FOXO3: variants seen among roughly 807,000 people sequenced by gnomAD.
FOXO3 encodes the protein forkhead box O3.
A neutral mutation model predicts 41.9 loss-of-function variants in FOXO3; 4 were observed. The observed-to-expected ratio is 0.10, with a 90% CI of 0.05 to 0.22. The LOEUF (loss-of-function observed/expected upper bound fraction) is 0.22. FOXO3 is among the 10% of genes least tolerant of loss of function. FOXO3 has a pLI of 1.00. For synonymous variants in FOXO3, 318 were observed against 389.3 expected (o/e 0.82, Z 2.16); for missense variants, 534 against 906.8 (o/e 0.59, Z 5.28).
intron 1 of FOXO3, among the ~76,000 whole-genome samples, chr6:108,604,324 G>A (rs751735889): frequency 2.6e-5 from 4 of 152,164 alleles, no homozygotes; most frequent in Admixed American, 6.5e-5. Flanking sequence ...ACTAAATGAG[G>A]TGAAAGTCAT....
chr6:108,605,118 C>CT (rs1777158943), intron 1 of FOXO3, among the ~76,000 whole-genome samples: 1 of 150,246 alleles, frequency 6.7e-6, no homozygotes, highest in Non-Finnish European at 1.5e-5. Context: ...CTAATACTAA[C>CT]TTTTCTTTTT....
chr6:108,673,489 C>T (rs1582839818), intron 2 of FOXO3, among the ~76,000 whole-genome samples: 2 of 152,342 alleles, frequency 1.3e-5, no homozygotes. Context: ...ACCTGTGTGT[C>T]CTGGTCATAC....
upstream of FOXO3, chr6:108,559,898 G>A (rs962195726): frequency 6.6e-6 from 1 of 152,272 alleles, no homozygotes; most frequent in African/African-American, 2.4e-5. Context: ...CGGGCGGGCT[G>A]CGGCGACGGC....
chr6:108,663,332 G>A (rs1291606492), intron 1 of FOXO3, 123 bp from the exon 2 acceptor site: 32 of 1,402,964 alleles, frequency 2.3e-5, no homozygotes, highest in Non-Finnish European at 2.8e-5. Flanking sequence ...GGGCAGCAGA[G>A]TGAGACCTTG....
intron 1 of FOXO3, among the ~76,000 whole-genome samples, chr6:108,596,563 A>C (rs1402225083): frequency 6.6e-5 from 10 of 152,176 alleles, no homozygotes; most frequent in Admixed American, 6.5e-4. Flanking sequence ...AGAAAGTTTA[A>C]GCAGGAAATG....
At chr6:108,623,852 G>A (rs921155893) in intron 1 of FOXO3, among the ~76,000 whole-genome samples, 11 of 152,152 alleles carry the variant, frequency 7.2e-5, no homozygotes, top group Admixed American at 5.9e-4. Flanking sequence ...TGATATAAGA[G>A]TTTTCTCCTT....
intron 1 of FOXO3, among the ~76,000 whole-genome samples, chr6:108,649,320 C>G (rs1312621583): frequency 6.6e-6 from 1 of 152,052 alleles, no homozygotes; most frequent in Non-Finnish European, 1.5e-5. Flanking sequence ...CTATGACTAC[C>G]TTTCAAGGCT....
intron 1 of FOXO3, among the ~76,000 whole-genome samples, chr6:108,622,400 G>A (rs1180036624): frequency 6.6e-6 from 1 of 152,076 alleles, no homozygotes; most frequent in Non-Finnish European, 1.5e-5. Context: ...GAGAGAGAAG[G>A]GATCTGTTCA....
chr6:108,583,642 A>G (rs1364262854), intron 1 of FOXO3, among the ~76,000 whole-genome samples: 6 of 152,228 alleles, frequency 3.9e-5, no homozygotes, highest in Non-Finnish European at 8.8e-5. Context: ...TTCTGTAACT[A>G]TTAAAGTCTG....
At chr6:108,608,010 C>G (rs1429047255) in intron 1 of FOXO3, among the ~76,000 whole-genome samples, 1 of 152,166 alleles carries the variant, frequency 6.6e-6, no homozygotes, top group Non-Finnish European at 1.5e-5. Context: ...GGTGGCAGGT[C>G]TAACCTTCAG....
intron 2 of FOXO3, among the ~76,000 whole-genome samples, chr6:108,676,408 G>A (rs9400240): frequency 0.54 from 82,696 of 151,964 alleles, 26,489 homozygotes; most frequent in East Asian, 0.71. Flanking sequence ...TATGAGACTA[G>A]TTTTTGTATT....
At chr6:108,643,656 G>A (rs1778320991) in intron 1 of FOXO3, among the ~76,000 whole-genome samples, 1 of 152,196 alleles carries the variant, frequency 6.6e-6, no homozygotes, top group South Asian at 2.1e-4. Flanking sequence ...TGACCAGAAT[G>A]TAAGAGGAGA....
chr6:108,573,599 G>A (rs549054509), intron 1 of FOXO3, among the ~76,000 whole-genome samples: 2 of 152,036 alleles, frequency 1.3e-5, no homozygotes, highest in East Asian at 1.9e-4. Context: ...AGGCTGAGGC[G>A]GGAGCATCAC....
intron 1 of FOXO3, among the ~76,000 whole-genome samples, chr6:108,600,321 G>A (rs534133963): frequency 1.8e-3 from 270 of 152,046 alleles, no homozygotes; most frequent in African/African-American, 5.1e-3. Context: ...GAGGCAAGGC[G>A]GATCACCCGA....
At chr6:108,638,117 C>A (rs956371016) in intron 1 of FOXO3, among the ~76,000 whole-genome samples, 4 of 152,160 alleles carry the variant, frequency 2.6e-5, no homozygotes, top group Non-Finnish European at 5.9e-5. Context: ...TGCATGCTTG[C>A]GTGTTTCCCC....
At chr6:108,640,852 A>G (rs994386844) in intron 1 of FOXO3, among the ~76,000 whole-genome samples, 1 of 152,168 alleles carries the variant, frequency 6.6e-6, no homozygotes, top group African/African-American at 2.4e-5. Flanking sequence ...TTGCCCTACT[A>G]TGTGCTGGGC....
chr6:108,583,414 T>G (rs561581065), intron 1 of FOXO3, among the ~76,000 whole-genome samples: 1 of 152,322 alleles, frequency 6.6e-6, no homozygotes, highest in South Asian at 2.1e-4. Context: ...TGGTTGTGAC[T>G]TTGGGAAAGA....
Position 108,645,977 on chromosome 6 carries a change from A to G in FOXO3, c.622-17478A>G, listed in dbSNP as rs1179271521. 2.6e-5 allele frequency among the ~76,000 whole-genome samples: 4 copies of G among 152,326 alleles called. No homozygotes were observed. The South Asian group carries it at 8.3e-4, about 32-fold the overall frequency. ...AGGTAGGATTAGGTTTGGCTAATGG[A>G]AAACAAATTTAATAGTGAATTATTC... On this transcript the variant is annotated intron_variant, in intron 1 of 2. Transcript: ENST00000406360.
Position 108,683,610 on chromosome 6 carries a change from C to T in FOXO3, c.*3818C>T, listed in dbSNP as rs1250803303. The T allele has an allele frequency of 1.3e-5, 2 of 151,192 alleles. No individual in the cohort carries two copies. The highest frequency in any genetic ancestry group is 4.9e-5 in the African/African-American group (2 of 41,230). The allele number at this position is 151,192 out of a possible 1,614,324, so 9.4% of individuals were successfully genotyped here. A position where few individuals can be genotyped will look rare whatever the true frequency, so the allele number is the denominator to read the frequency against. On this transcript the variant is annotated 3_prime_UTR_variant, in exon 3 of 3. Transcript: ENST00000406360. ...CTGAGGCAGGAGAATCGCTTGAACC[C>T]AGGAGGCGGAGGTCGCAGTGAGCCG...
Sources: allele counts gnomAD v4.1 joint callset (sites outside exome capture counted in the v4.1 genomes callset), GRCh38; gene constraint gnomAD v4.1.1; transcripts MANE v1.5; gene names NCBI Gene and HGNC (gene_info 2026-07-23, HGNC 2026-07-21).